NR1I2: variants seen among roughly 807,000 people sequenced by gnomAD.
NR1I2 encodes the protein nuclear receptor subfamily 1 group I member 2, also known as orphan nuclear receptor PAR1.
A neutral mutation model predicts 43.3 loss-of-function variants in NR1I2; 42 were observed. The observed-to-expected ratio is 0.97, with a 90% CI of 0.76 to 1.26. The LOEUF (loss-of-function observed/expected upper bound fraction) is 1.26, where lower values mean the gene tolerates loss of function less well. Ranked by LOEUF, NR1I2 falls within the 50% of genes most tolerant of loss-of-function variation. The pLI is 0.00. For missense variants in NR1I2, 559 were observed against 566.7 expected, an observed-to-expected ratio of 0.99 and a Z score of 0.14; for synonymous variants, 229 against 215.0, an observed-to-expected ratio of 1.06 and a Z score of -0.57.
intron 1 of NR1I2, among the ~76,000 whole-genome samples, chr3:119,796,856 A>G (rs927182580): frequency 3.9e-5 from 6 of 152,188 alleles, no homozygotes; most frequent in Admixed American, 2.0e-4. Flanking sequence ...GCCCAAAGCC[A>G]TGTCAGCCTC....
intron 1 of NR1I2, among the ~76,000 whole-genome samples, chr3:119,806,983 C>T (rs2055169295): frequency 6.6e-6 from 1 of 152,202 alleles, no homozygotes; most frequent in African/African-American, 2.4e-5. Context: ...TTACCCTTAT[C>T]TTTCCCATGC....
intron 5 of NR1I2, among the ~76,000 whole-genome samples, chr3:119,814,429 T>A (rs946989975): frequency 6.6e-6 from 1 of 152,110 alleles, no homozygotes. Flanking sequence ...GAAATACATG[T>A]GTGCACATTA....
At chr3:119,808,116 G>A (rs1478780805) in intron 2 of NR1I2, among the ~76,000 whole-genome samples, 1 of 152,240 alleles carries the variant, frequency 6.6e-6, no homozygotes, top group African/African-American at 2.4e-5. Flanking sequence ...ACTGGGTTCA[G>A]CTACAAGTCA....
intron 5 of NR1I2, among the ~76,000 whole-genome samples, chr3:119,814,555 CAA>C (rs1159015254): frequency 1.3e-5 from 2 of 152,142 alleles, no homozygotes; most frequent in Admixed American, 1.3e-4. Context: ...CTGAGAGGGG[CAA>C]AGACATAGCA....
chr3:119,796,305 A>G (rs939684542), intron 1 of NR1I2, among the ~76,000 whole-genome samples: 2 of 152,178 alleles, frequency 1.3e-5, no homozygotes, highest in African/African-American at 4.8e-5. Flanking sequence ...GCCTGACATG[A>G]CCTGAAATTT....
chr3:119,783,742 C>T (rs971802593), intron 1 of NR1I2, among the ~76,000 whole-genome samples: 6 of 152,076 alleles, frequency 3.9e-5, no homozygotes, highest in African/African-American at 1.4e-4. Context: ...CTCCAGTTTC[C>T]CCAAAAGTAC....
intron 1 of NR1I2, among the ~76,000 whole-genome samples, chr3:119,784,344 G>A (rs1444176540): frequency 1.3e-5 from 2 of 151,994 alleles, no homozygotes; most frequent in African/African-American, 4.8e-5. Context: ...GACCCCTCTT[G>A]GCCATTGTAT....
Position 119,817,371 on chromosome 3 carries a change from C to T in NR1I2, c.*159C>T. 6.6e-7 allele frequency: 1 copy of T among 1,510,836 alleles called. No homozygotes were observed. The highest frequency in any genetic ancestry group is 1.4e-5 in the African/African-American group (1 of 72,832). 93.6% of individuals were successfully genotyped at this position (1,510,836 alleles called of 1,614,324 possible). A position where few individuals can be genotyped will look rare whatever the true frequency, so the allele number is the denominator to read the frequency against. ...CTGCTATGACAGCTGGCTAGCATTC[C>T]TCAGGAAGGACATGGGTGCCCCCCA... On this transcript the variant is annotated 3_prime_UTR_variant, in exon 9 of 9. Coordinates refer to ENST00000393716, the MANE Select transcript of NR1I2 (RefSeq NM_003889.4).
chr3:119,788,518 G>A (rs1447129482), intron 1 of NR1I2, among the ~76,000 whole-genome samples: 6 of 152,072 alleles, frequency 3.9e-5, no homozygotes, highest in Non-Finnish European at 7.3e-5. Flanking sequence ...GCTCACTGTA[G>A]CCTTGACCTC....
At chr3:119,813,100 A>T in intron 5 of NR1I2, 140 bp downstream of exon 5, 2 of 978,346 alleles carry the variant, frequency 2.0e-6, no homozygotes, top group Non-Finnish European at 1.5e-6. Flanking sequence ...TTCCCCGGGC[A>T]GCCAGTGCTG....
At chr3:119,791,537 CT>C (rs1247858434) in intron 1 of NR1I2, among the ~76,000 whole-genome samples, 4 of 152,130 alleles carry the variant, frequency 2.6e-5, no homozygotes, top group Admixed American at 2.6e-4. Flanking sequence ...CATCCCTGTC[CT>C]AAAAAAAAGT....
rs1339723554 is a variant in NR1I2 at position 119,812,776 on chromosome 3, A to G, written c.610A>G (p.Lys204Glu). The G allele has an allele frequency of 5.0e-6, 8 of 1,614,056 alleles. No individual in the cohort carries two copies. The Admixed American group carries it at 1.3e-4, about 27-fold the overall frequency. ...AGCTGCCAAGTGGAGCCAGGTCCGG[A>G]AAGATCTGTGCTCTTTGAAGGTCTC... Residue 204 changes from lysine (K) to glutamate (E), a missense_variant, in exon 5 of 9, where the codon AAA becomes GAA. Physicochemically the swap from Lys to Glu is moderately conservative, Grantham distance 56. This residue lies in a region of NR1I2 where 323 missense variants were observed against 312.2 expected (regional missense o/e 1.03). Coordinates refer to ENST00000393716, the MANE Select transcript of NR1I2 (RefSeq NM_003889.4).
Position 119,815,019 on chromosome 3 carries a change from G to T in NR1I2, c.835G>T (p.Ala279Ser). Residue 279 changes from alanine to serine, a missense_variant, in exon 6 of 9, where the codon GCC (alanine) becomes TCC (serine). Physicochemically the swap from Ala to Ser is moderately conservative, Grantham distance 99. This residue lies in a region of NR1I2 where 323 missense variants were observed against 312.2 expected (regional missense o/e 1.03). Transcript: ENST00000393716. Reference sequence around the variant, plus strand: ...GGACCAGATCTCCCTGCTGAAGGGGGCCGCTTTCGAGCTGTGTCAACTGAG... The same window carrying T: ...GGACCAGATCTCCCTGCTGAAGGGGTCCGCTTTCGAGCTGTGTCAACTGAG... 1 of 1,614,208 alleles carries T rather than the reference G, an allele frequency of 6.2e-7. No homozygotes were observed. The highest frequency in any genetic ancestry group is 8.5e-7 in the Non-Finnish European group (1 of 1,180,040).
chr3:119,806,036 T>A (rs1332832683), intron 1 of NR1I2, among the ~76,000 whole-genome samples: 2 of 152,204 alleles, frequency 1.3e-5, no homozygotes, highest in Admixed American at 6.5e-5. Flanking sequence ...TCACCTGTCA[T>A]GATGTTGGAA....
At chr3:119,815,207 T>C in intron 6 of NR1I2, 86 bp downstream of exon 6, 1 of 1,596,650 alleles carries the variant, frequency 6.3e-7, no homozygotes, top group South Asian at 1.1e-5. Flanking sequence ...GATATGCAGG[T>C]TCTGGGATGG....
intron 1 of NR1I2, among the ~76,000 whole-genome samples, chr3:119,793,419 A>G (rs976088187): frequency 2.0e-5 from 3 of 152,146 alleles, no homozygotes; most frequent in African/African-American, 7.2e-5. Flanking sequence ...GAGGCAGGAC[A>G]GGACCACCGT....
rs1577289137 is a variant in NR1I2 at position 119,817,682 on chromosome 3, C to T, written c.*470C>T. 1.8e-6 allele frequency: 2 copies of T among 1,112,068 alleles called. No individual in the cohort carries two copies. Among genetic ancestry groups the T allele is most frequent in the South Asian group, 2.4e-5 (1 of 41,614 alleles). 68.9% of individuals were successfully genotyped at this position (1,112,068 alleles called of 1,614,324 possible). A position where few individuals can be genotyped will look rare whatever the true frequency, so the allele number is the denominator to read the frequency against. On this transcript the variant is annotated 3_prime_UTR_variant, in exon 9 of 9. Coordinates refer to ENST00000393716, the MANE Select transcript of NR1I2 (RefSeq NM_003889.4). The stretch of plus-strand genomic sequence containing the variant: ...CCTGTCTCCCACTTCCCACTCGTTC[C>T]CCTCCTCTTCCGAGCTGCTTTGTGG...
intron 1 of NR1I2, among the ~76,000 whole-genome samples, chr3:119,790,514 A>G (rs1577269674): frequency 6.6e-6 from 1 of 152,280 alleles, no homozygotes; most frequent in East Asian, 1.9e-4. Context: ...CCATTTTTAC[A>G]TTCCTACCAC....
intron 1 of NR1I2, among the ~76,000 whole-genome samples, chr3:119,788,071 G>T (rs79460985): frequency 0.016 from 2,427 of 151,858 alleles, 66 homozygotes; most frequent in African/African-American, 0.054. Flanking sequence ...TCCTGGGAAG[G>T]AACTATCTCA....
Sources: gnomAD v4.1 joint callset for allele counts (sites outside exome capture counted in the v4.1 genomes callset) on GRCh38, gnomAD v4.1.1 for gene constraint, gnomAD v4.1.1 regional missense constraint, MANE v1.5 for transcripts, NCBI Gene and HGNC (gene_info 2026-07-23, HGNC 2026-07-21) for gene names.